Variants in EMC1 observed in about 807,000 individuals in gnomAD.
EMC1 encodes the protein KIAA0090.
Under a neutral mutation model 128.8 loss-of-function variants are expected in EMC1, and 103 were observed. That is an observed-to-expected ratio of 0.80 (90% CI 0.68 to 0.94). EMC1 has a LOEUF of 0.94. Ranked by LOEUF, EMC1 falls within the 40% of genes least tolerant of loss-of-function variation. The probability of loss-of-function intolerance (pLI) is 0.00; values close to 1 mark genes in which losing one functional copy is unlikely to be tolerated. For missense variants in EMC1, 1,083 were observed against 1,250.6 expected (o/e 0.87, Z 2.02); for synonymous variants, 442 against 490.4 (o/e 0.90, Z 1.30).
At chr1:19,248,710 G>A (rs1249227068) in intron 1 of EMC1, among the ~76,000 whole-genome samples, 2 of 151,918 alleles carry the variant, frequency 1.3e-5, no homozygotes, top group African/African-American at 2.4e-5. Context: ...GAGCCACCAC[G>A]CCCAGCCCCA....
chr1:19,239,279 GGTGGCA>G lies in EMC1; in HGVS notation c.972_977del (p.Ala325_Thr326del). On this transcript the variant is annotated inframe_deletion, in exon 9 of 23. Transcript: ENST00000477853. ...CTGCAGCCACCGTCTTCTCCCCAGT[GGTGGCA>G]AAGCTCACTAGGGCAGTCTGGGGGA... 2 of 1,614,134 alleles carry G rather than the reference GGTGGCA, an allele frequency of 1.2e-6. No homozygotes were observed. The highest frequency in any genetic ancestry group is 1.7e-6 in the Non-Finnish European group (2 of 1,179,986).
chr1:19,225,511 G>C (rs751056371), intron 18 of EMC1, among the ~76,000 whole-genome samples: 28 of 152,160 alleles, frequency 1.8e-4, no homozygotes, highest in Non-Finnish European at 3.5e-4. Flanking sequence ...GCTGGGCATG[G>C]TGGTGCGCGC....
chr1:19,230,500 G>A (rs1212843910), intron 17 of EMC1, among the ~76,000 whole-genome samples: 3 of 152,094 alleles, frequency 2.0e-5, no homozygotes, highest in African/African-American at 4.8e-5. Flanking sequence ...AACCAAGGAG[G>A]CAGAGGTTGC....
intron 11 of EMC1, 49 bp downstream of exon 11, chr1:19,237,968 T>A: frequency 6.3e-7 from 1 of 1,599,048 alleles, no homozygotes; most frequent in South Asian, 1.1e-5. Context: ...AAGGAAGCCA[T>A]GTGCTGAGAA....
intron 3 of EMC1, 110 bp downstream of exon 3, chr1:19,243,840 G>T: frequency 6.3e-6 from 9 of 1,434,310 alleles, no homozygotes; most frequent in Non-Finnish European, 8.8e-6. Context: ...GTCCTTCACT[G>T]TCAGGAGTCC....
At chr1:19,229,967 G>C (rs971020203) in intron 17 of EMC1, among the ~76,000 whole-genome samples, 1 of 152,190 alleles carries the variant, frequency 6.6e-6, no homozygotes, top group African/African-American at 2.4e-5. Context: ...GACAGGATGG[G>C]AGAGCTGTTT....
chr1:19,245,627 C>CTTTTTTTTTTTTTTTTTT (rs539316345), intron 1 of EMC1, among the ~76,000 whole-genome samples: 16 of 123,138 alleles, frequency 1.3e-4, no homozygotes, highest in African/African-American at 4.1e-4. Flanking sequence ...CCTTACCTTT[C>CTTTTTTTTTTTTTTTTTT]TTTTTTTTTT....
intron 20 of EMC1, chr1:19,221,155 G>A (rs1420036362): frequency 3.7e-5 from 8 of 215,220 alleles, no homozygotes; most frequent in South Asian, 1.5e-4. Context: ...GCCTCTCCCC[G>A]GGGCCTCCCT....
At chr1:19,239,731 G>A (rs1052048497) in intron 8 of EMC1, 87 bp downstream of exon 8, 9 of 1,421,056 alleles carry the variant, frequency 6.3e-6, no homozygotes, top group African/African-American at 5.8e-5. Context: ...AAGAGCAAAC[G>A]TTTCCAGATT....
At chr1:19,228,119 C>G (rs2093490590) in intron 17 of EMC1, among the ~76,000 whole-genome samples, 1 of 150,300 alleles carries the variant, frequency 6.7e-6, no homozygotes, top group Admixed American at 6.7e-5. Flanking sequence ...GCAAGAGAAT[C>G]ACTTGAACCC....
At chr1:19,240,874 G>T in intron 6 of EMC1, 142 bp downstream of exon 6, 1 of 931,092 alleles carries the variant, frequency 1.1e-6, no homozygotes, top group Non-Finnish European at 1.6e-6. Context: ...TAATGGGAAG[G>T]CAGCTGGCAA....
intron 4 of EMC1, among the ~76,000 whole-genome samples, chr1:19,243,087 T>G (rs1310504704): frequency 3.3e-5 from 5 of 151,938 alleles, no homozygotes; most frequent in Non-Finnish European, 7.4e-5. Context: ...AATACAAAAA[T>G]TAGCCAGGCG....
In EMC1 at chr1:19,233,008, G is replaced by T. The variant is rs1478988844; in HGVS notation, c.1560C>A (p.Ile520=). ...CATCTCTGGCCAGGGTGTCAATGTT[G>T]ATCTCATTCTTAATCTGACTCCGGG... ...RKPRSQIKNE[I]NIDTLARDEF... is the part of the protein sequence containing the mutation. The change falls in exon 14 of 23, where the codon ATC becomes ATA. Residue 520 remains isoleucine, a synonymous_variant. Transcript: ENST00000477853. 1 of 1,614,134 alleles carries T rather than the reference G, an allele frequency of 6.2e-7. No individual in the cohort carries two copies. Among genetic ancestry groups the T allele is most frequent in the Admixed American group, 1.7e-5 (1 of 60,026 alleles).
chr1:19,238,143 G>C lies in EMC1; in HGVS notation c.1090-4C>G, dbSNP rs762910142. 17 of 1,613,852 alleles carry C rather than the reference G, an allele frequency of 1.1e-5. No homozygotes were observed. In the African/African-American group the frequency reaches 1.7e-4, roughly 16 times the overall value. ...GATTGAAGCAAGCCAGAGAGTCCTA[G>C]GAGTACAGACAGCACGTGTCAACTA... is the stretch of plus-strand genomic sequence containing the variant. On this transcript the variant is annotated splice_polypyrimidine_tract_variant and splice_region_variant and intron_variant, in intron 10 of 22. Coordinates refer to ENST00000477853, the MANE Select transcript of EMC1 (RefSeq NM_015047.3).
chr1:19,230,704 A>G lies in EMC1; in HGVS notation c.2064+140T>C, dbSNP rs895426596. The G allele has an allele frequency of 1.2e-5, 14 of 1,158,018 alleles. No individual in the cohort carries two copies. In the African/African-American group the frequency reaches 2.2e-4, roughly 18 times the overall value. The allele number at this position is 1,158,018 out of a possible 1,614,324, so 71.7% of individuals were successfully genotyped here. On this transcript the variant is annotated intron_variant, in intron 17 of 22. Coordinates refer to ENST00000477853, the MANE Select transcript of EMC1 (RefSeq NM_015047.3). ...GCTGCCCAACAAATATGAACAAATG[A>G]TTGACTTTGTATCAGACATCAGGAT...
Position 19,230,930 on chromosome 1 carries a change from G to C in EMC1, c.1978C>G (p.Arg660Gly), listed in dbSNP as rs201271494. ...TAFPATRNVLRQLHELAPSIF... is the reference protein window; with the variant it reads ...TAFPATRNVLGQLHELAPSIF... The stretch of plus-strand genomic sequence containing the variant: ...GAAGGGGCAAGCTCATGTAGCTGTC[G>C]CAAGACATTCCGAGTGGCTGGAAAA... The change falls in exon 17 of 23, where the codon CGA becomes GGA. Residue 660 changes from arginine (R) to glycine (G), a missense_variant. By Grantham distance (125) the Arg-to-Gly change is moderately radical (BLOSUM62 -2). Around this residue, in one of 3 missense-constraint regions of EMC1, gnomAD observed 527 missense variants for 644.1 expected, o/e 0.82. Transcript: ENST00000477853. 109 of 1,614,020 alleles carry C rather than the reference G, an allele frequency of 6.8e-5. No homozygotes were observed. The highest frequency in any genetic ancestry group is 9.0e-5 in the Non-Finnish European group (106 of 1,180,020).
intron 20 of EMC1, chr1:19,221,574 T>C (rs1383661439): frequency 6.7e-6 from 1 of 148,694 alleles, no homozygotes; most frequent in African/African-American, 2.5e-5. Flanking sequence ...AGGCTGAAGT[T>C]GCAGTGAGCT....
At chr1:19,224,350 G>A (rs911985045) in intron 18 of EMC1, among the ~76,000 whole-genome samples, 2 of 152,128 alleles carry the variant, frequency 1.3e-5, no homozygotes, top group African/African-American at 4.8e-5. Flanking sequence ...AATTATCTCA[G>A]TATCTTTTCT....
intron 21 of EMC1, chr1:19,219,992 T>C: frequency 2.7e-6 from 1 of 369,034 alleles, no homozygotes; most frequent in Non-Finnish European, 5.0e-6. Context: ...AGCCGACCAT[T>C]TTAAAGCCAA....
Sources: allele counts gnomAD v4.1 joint callset (sites outside exome capture counted in the v4.1 genomes callset), GRCh38; gene constraint gnomAD v4.1.1; regional missense constraint gnomAD v4.1.1; transcripts MANE v1.5; gene names NCBI Gene and HGNC (gene_info 2026-07-23, HGNC 2026-07-21).